FAM20C: variants seen among roughly 807,000 people sequenced by gnomAD.
FAM20C encodes the protein extracellular serine/threonine protein kinase FAM20C.
In FAM20C, 40 loss-of-function variants were observed where a neutral mutation model predicts 51.5. The ratio of observed to expected loss-of-function variants is 0.78; its 90% CI spans 0.60 to 1.01. FAM20C has a LOEUF of 1.01. FAM20C is among the 50% of genes least tolerant of loss of function. The probability of loss-of-function intolerance (pLI) is 0.00; values close to 1 mark genes in which losing one functional copy is unlikely to be tolerated. For synonymous variants in FAM20C, 406 were observed against 380.6 expected (o/e 1.07, Z -0.78); for missense variants, 861 against 844.7 (o/e 1.02, Z -0.24).
chr7:260,084 G>C lies in FAM20C; in HGVS notation c.*104G>C. On this transcript the variant is annotated 3_prime_UTR_variant, in exon 10 of 10. Coordinates refer to ENST00000313766, the MANE Select transcript of FAM20C (RefSeq NM_020223.4). ...TTCAGTGAATTCAGAGGCAGGACGG[G>C]ATCATCCGGAGTCGGGAGCTGCTGC... 7.9e-6 allele frequency: 11 copies of C among 1,389,242 alleles called. No individual in the cohort carries two copies. Among genetic ancestry groups the C allele is most frequent in the East Asian group, 2.6e-5 (1 of 38,262 alleles). The allele number at this position is 1,389,242 out of a possible 1,614,324, so 86.1% of individuals were successfully genotyped here.
At position 198,207 on chromosome 7, in the gene FAM20C, C is replaced by T. The variant is rs565747388; in HGVS notation, c.784+2475C>T. ...CAGGGCCAAGCAGGGCCTGCAAGGACGATGGGCAGACACAGCCGCATCACC... is the reference window on the plus strand; with the variant it reads ...CAGGGCCAAGCAGGGCCTGCAAGGATGATGGGCAGACACAGCCGCATCACC... On this transcript the variant is annotated intron_variant, in intron 2 of 9. Transcript: ENST00000313766. Among the ~76,000 whole-genome samples the T allele has an allele frequency of 1.5e-3, 231 of 152,314 alleles. 1 individual carries two copies. Among genetic ancestry groups the T allele is most frequent in the African/African-American group, 5.3e-3 (221 of 41,578 alleles).
intron 3 of FAM20C, among the ~76,000 whole-genome samples, chr7:242,924 C>T (rs1787994664): frequency 1.3e-5 from 2 of 152,136 alleles, no homozygotes; most frequent in Non-Finnish European, 2.9e-5. Context: ...ACAGCTGCCC[C>T]CCAAGACAGT....
At chr7:249,137 G>A (rs987522900) in intron 5 of FAM20C, among the ~76,000 whole-genome samples, 3 of 152,350 alleles carry the variant, frequency 2.0e-5, no homozygotes, top group African/African-American at 4.8e-5. Context: ...TTCTCCAGGT[G>A]GCCCAGCCAG....
At chr7:194,015 C>T in intron 1 of FAM20C, 1 of 743,006 alleles carries the variant, frequency 1.3e-6, no homozygotes, top group Non-Finnish European at 1.9e-6. Flanking sequence ...GGTCCGGGAG[C>T]TGTGCCCTGT....
chr7:228,358 G>A (rs1787523679), intron 3 of FAM20C: 1 of 417,990 alleles, frequency 2.4e-6, no homozygotes, highest in African/African-American at 2.0e-5. Context: ...TAGATCACAG[G>A]GGCTCTTGTC....
chr7:203,501 G>A (rs1053900443), intron 2 of FAM20C, among the ~76,000 whole-genome samples: 1 of 152,218 alleles, frequency 6.6e-6, no homozygotes, highest in African/African-American at 2.4e-5. Context: ...CCATCCCGAT[G>A]AGCACCGAAG....
At chr7:248,027 C>T (rs957377244) in intron 4 of FAM20C, among the ~76,000 whole-genome samples, 1 of 152,220 alleles carries the variant, frequency 6.6e-6, no homozygotes, top group African/African-American at 2.4e-5. Flanking sequence ...TTAAATTTAG[C>T]CCTGGAATGA....
At chr7:229,151 T>TG in intron 3 of FAM20C, 1 of 302,148 alleles carries the variant, frequency 3.3e-6, no homozygotes, top group Non-Finnish European at 6.6e-6. Flanking sequence ...CGTCATAACC[T>TG]TCAGCACCTC....
chr7:253,654 G>A (rs530948449), intron 5 of FAM20C, among the ~76,000 whole-genome samples: 23 of 152,294 alleles, frequency 1.5e-4, no homozygotes, highest in Admixed American at 3.3e-4. Context: ...TGGGACCCCC[G>A]CTTCCCGGGC....
At chr7:202,587 G>A (rs1786184801) in intron 2 of FAM20C, among the ~76,000 whole-genome samples, 2 of 142,638 alleles carry the variant, frequency 1.4e-5, no homozygotes, top group African/African-American at 5.3e-5. Flanking sequence ...GATTGTACTG[G>A]GGAATGGGGG....
intron 3 of FAM20C, among the ~76,000 whole-genome samples, chr7:242,250 G>A (rs1224626988): frequency 1.3e-5 from 2 of 152,238 alleles, no homozygotes; most frequent in African/African-American, 2.4e-5. Context: ...TTTGGAACCT[G>A]GGCTGGCGAG....
In FAM20C at chr7:256,540, C is replaced by A. The variant is rs1188245270; in HGVS notation, c.1254-114C>A. ...CCTCAGCGCCGCAGCCCGGGCGGGTCCATCTGCAGACGCCAAGGTCCCTGC... is the reference window on the plus strand; with the variant it reads ...CCTCAGCGCCGCAGCCCGGGCGGGTACATCTGCAGACGCCAAGGTCCCTGC... On this transcript the variant is annotated intron_variant, in intron 6 of 9. Transcript: ENST00000313766. The A allele has an allele frequency of 6.0e-6, 5 of 836,162 alleles. No homozygotes were observed. In the East Asian group the frequency reaches 1.3e-4, roughly 22 times the overall value. The allele number at this position is 836,162 out of a possible 1,614,324, so 51.8% of individuals were successfully genotyped here. A position where few individuals can be genotyped will look rare whatever the true frequency, so the allele number is the denominator to read the frequency against.
intron 2 of FAM20C, among the ~76,000 whole-genome samples, chr7:199,049 G>C (rs1786013972): frequency 6.6e-6 from 1 of 152,226 alleles, no homozygotes; most frequent in Non-Finnish European, 1.5e-5. Context: ...TCCAGGTCCA[G>C]GTCTCCTGGT....
intron 3 of FAM20C, among the ~76,000 whole-genome samples, chr7:211,917 C>T (rs1056979137): frequency 2.6e-5 from 4 of 151,118 alleles, no homozygotes; most frequent in Admixed American, 1.3e-4. Context: ...CCTCCCAGCT[C>T]GGTCCTCTCA....
chr7:249,692 G>A (rs148801206), intron 5 of FAM20C, among the ~76,000 whole-genome samples: 70,740 of 151,938 alleles, frequency 0.47, 16,585 homozygotes, highest in Middle Eastern at 0.54. Flanking sequence ...GTGAGTGGGG[G>A]TTGCACCACT....
chr7:223,513 G>T lies in FAM20C; in HGVS notation c.863+14537G>T, dbSNP rs570241857. On this transcript the variant is annotated intron_variant, in intron 3 of 9. Coordinates refer to ENST00000313766, the MANE Select transcript of FAM20C (RefSeq NM_020223.4). Reference sequence around the variant, plus strand: ...AACCACTGCAAAGGATGCAGGAGGAGCAGAGGGGCAGGCGGGCACATGGTG... The same window carrying T: ...AACCACTGCAAAGGATGCAGGAGGATCAGAGGGGCAGGCGGGCACATGGTG... Among the ~76,000 whole-genome samples, 5 of 152,348 alleles carry T rather than the reference G, an allele frequency of 3.3e-5. No individual in the cohort carries two copies. In the East Asian group the frequency reaches 9.7e-4, roughly 29 times the overall value.
At chr7:246,387 C>CGTTTCT in intron 3 of FAM20C, 28 bp from the exon 4 acceptor site, 5 of 1,502,236 alleles carry the variant, frequency 3.3e-6, no homozygotes, top group Non-Finnish European at 4.5e-6. Context: ...AGTGACAAAC[C>CGTTTCT]GTTTCTGTTT....
intron 2 of FAM20C, among the ~76,000 whole-genome samples, chr7:201,853 T>C (rs142652840): frequency 2.0e-5 from 3 of 152,270 alleles, no homozygotes; most frequent in African/African-American, 7.2e-5. Context: ...CCCGAACTCT[T>C]AGTGCTGACA....
At chr7:258,562 G>T in intron 8 of FAM20C, 84 bp from the exon 9 acceptor site, 1 of 1,385,784 alleles carries the variant, frequency 7.2e-7, no homozygotes, top group Non-Finnish European at 9.9e-7. Flanking sequence ...ACAGGCAGGT[G>T]GACCCATGGC....
Sources: allele counts gnomAD v4.1 joint callset (sites outside exome capture counted in the v4.1 genomes callset), GRCh38; gene constraint gnomAD v4.1.1; transcripts MANE v1.5; gene names NCBI Gene and HGNC (gene_info 2026-07-23, HGNC 2026-07-21).